OPHN1: variants seen among roughly 807,000 people sequenced by gnomAD.
OPHN1 encodes oligophrenin-1.
In OPHN1, 11 loss-of-function variants were observed where a neutral mutation model predicts 60.7. The observed-to-expected ratio is 0.18, with a 90% CI of 0.11 to 0.30. The LOEUF is 0.30. OPHN1 is among the 10% of genes least tolerant of loss of function. OPHN1 has a pLI of 1.00. For missense variants in OPHN1, 449 were observed against 611.0 expected (o/e 0.73, Z 2.80); for synonymous variants, 226 against 222.6 (o/e 1.02, Z -0.14).
intron 2 of OPHN1, among the ~76,000 whole-genome samples, chrX:68,399,478 C>T (rs773517636): frequency 7.2e-5 from 8 of 111,324 alleles, no homozygotes. Flanking sequence ...TGGCGAAACC[C>T]CGTCTCTACT....
chrX:68,178,757 T>C (rs2059357275), intron 15 of OPHN1, among the ~76,000 whole-genome samples: 2 of 112,047 alleles, frequency 1.8e-5, no homozygotes, highest in Admixed American at 1.9e-4. Flanking sequence ...CATGTACAAA[T>C]TCCAAATTGT....
At chrX:68,122,848 T>C (rs1001993633) in intron 15 of OPHN1, among the ~76,000 whole-genome samples, 1 of 110,550 alleles carries the variant, frequency 9.0e-6, no homozygotes, top group East Asian at 2.9e-4. Flanking sequence ...GACTACAGGA[T>C]CTATAAAATA....
chrX:68,350,992 G>A (rs973890549), intron 2 of OPHN1, among the ~76,000 whole-genome samples: 2 of 111,601 alleles, frequency 1.8e-5, no homozygotes, highest in African/African-American at 6.5e-5. Context: ...GCAATGGCAT[G>A]ATCTCAGCTC....
At chrX:68,093,822 G>T (rs2077027794) in intron 19 of OPHN1, among the ~76,000 whole-genome samples, 1 of 110,532 alleles carries the variant, frequency 9.0e-6, no homozygotes, top group Non-Finnish European at 1.9e-5. Context: ...TCCTTTGTCA[G>T]ATACGTGGTT....
At chrX:68,250,898 T>C (rs1032275700) in intron 5 of OPHN1, among the ~76,000 whole-genome samples, 16 of 111,340 alleles carry the variant, frequency 1.4e-4, no homozygotes, top group African/African-American at 6.5e-5. Flanking sequence ...ACACATCACA[T>C]AGCAACAGAT....
At chrX:68,369,642 G>T (rs192594608) in intron 2 of OPHN1, among the ~76,000 whole-genome samples, 97 of 109,825 alleles carry the variant, frequency 8.8e-4, no homozygotes, top group African/African-American at 3.2e-3. Flanking sequence ...CTAAGATAGA[G>T]AAATTAAAGA....
intron 15 of OPHN1, among the ~76,000 whole-genome samples, chrX:68,145,896 A>G (rs1569225362): frequency 9.0e-6 from 1 of 111,372 alleles, no homozygotes; most frequent in Non-Finnish European, 1.9e-5. Context: ...ATAGGCCTTT[A>G]CCTGTTTTTG....
chrX:68,391,505 G>A (rs2078653751), intron 2 of OPHN1, among the ~76,000 whole-genome samples: 1 of 111,037 alleles, frequency 9.0e-6, no homozygotes, highest in African/African-American at 3.3e-5. Context: ...ACTACCCTCA[G>A]CAGTTTTTTT....
At chrX:68,430,348 G>A (rs1246928014) in intron 2 of OPHN1, among the ~76,000 whole-genome samples, 1 of 111,740 alleles carries the variant, frequency 8.9e-6, no homozygotes, top group African/African-American at 3.2e-5. Context: ...TGGAGAATGG[G>A]TTAGCTGCTG....
chrX:68,208,218 G>A (rs751639815), intron 9 of OPHN1, among the ~76,000 whole-genome samples: 5 of 110,246 alleles, frequency 4.5e-5, no homozygotes, highest in Non-Finnish European at 7.6e-5. Flanking sequence ...AGCCTCCCAA[G>A]TAGCTAGGAT....
chrX:68,123,323 C>T (rs905383812), intron 15 of OPHN1, among the ~76,000 whole-genome samples: 2 of 111,611 alleles, frequency 1.8e-5, no homozygotes, highest in African/African-American at 6.5e-5. Flanking sequence ...TTACAAGAGA[C>T]GCTAAAGAGA....
intron 15 of OPHN1, among the ~76,000 whole-genome samples, chrX:68,175,470 T>G (rs1319306058): frequency 2.7e-5 from 3 of 111,503 alleles, no homozygotes; most frequent in African/African-American, 9.8e-5. Context: ...AAAAAAATCA[T>G]TGTCTATTCA....
At chrX:68,138,811 A>G (rs1440591780) in intron 15 of OPHN1, among the ~76,000 whole-genome samples, 1 of 112,247 alleles carries the variant, frequency 8.9e-6, no homozygotes, top group African/African-American at 3.2e-5. Flanking sequence ...GCCCAAGGTC[A>G]TACAGCTACT....
chrX:68,240,453 G>A (rs1399530478), intron 5 of OPHN1, among the ~76,000 whole-genome samples: 9 of 110,692 alleles, frequency 8.1e-5, no homozygotes, highest in East Asian at 2.8e-4. Context: ...ATATATATCC[G>A]TCTACTCAGT....
chrX:68,396,420 A>AAC lies in OPHN1; in HGVS notation c.154+36446_154+36447insGT, dbSNP rs1555982202. On this transcript the variant is annotated intron_variant, in intron 2 of 24. Coordinates refer to ENST00000355520, the MANE Select transcript of OPHN1 (RefSeq NM_002547.3). ...TCTCAAAAAAAAAAAAAAAAAAAAA[A>AAC]AAAACAAGGTTGTGGAGGCTAGGTG... is the stretch of plus-strand genomic sequence containing the variant. 4.1e-4 allele frequency among the ~76,000 whole-genome samples: 43 copies of AAC among 104,173 alleles called. 1 individual carries two copies. The highest frequency in any genetic ancestry group is 1.6e-3 in the African/African-American group (42 of 26,862). The allele number at this position is 104,173 out of a possible 115,157, so 90.5% of individuals were successfully genotyped here. A position where few individuals can be genotyped will look rare whatever the true frequency, so the allele number is the denominator to read the frequency against.
chrX:68,174,939 C>T (rs2077407814), intron 15 of OPHN1, among the ~76,000 whole-genome samples: 1 of 110,031 alleles, frequency 9.1e-6, no homozygotes, highest in Non-Finnish European at 1.9e-5. Flanking sequence ...CAAAAATTAG[C>T]TGGGCGTGGT....
intron 2 of OPHN1, among the ~76,000 whole-genome samples, chrX:68,387,475 T>C (rs2078630700): frequency 9.0e-6 from 1 of 111,525 alleles, no homozygotes; most frequent in Non-Finnish European, 1.9e-5. Context: ...TACTCTTTCA[T>C]CATCCTGTTG....
chrX:68,068,333 T>C (rs985540636), intron 20 of OPHN1, among the ~76,000 whole-genome samples: 2 of 109,219 alleles, frequency 1.8e-5, no homozygotes, highest in Non-Finnish European at 3.8e-5. Context: ...TAGCCTGGTG[T>C]GGTGGTATGC....
intron 2 of OPHN1, among the ~76,000 whole-genome samples, chrX:68,429,191 G>T (rs189919273): frequency 4.5e-5 from 5 of 110,814 alleles, no homozygotes; most frequent in African/African-American, 6.6e-5. Context: ...GGAGGCCAAG[G>T]GGGGGCGGAC....
Sources: allele counts gnomAD v4.1 joint callset (sites outside exome capture counted in the v4.1 genomes callset), GRCh38; gene constraint gnomAD v4.1.1; transcripts MANE v1.5; gene names NCBI Gene and HGNC (gene_info 2026-07-23, HGNC 2026-07-21).